The following SYS1 variants were observed in gnomAD, a reference collection of about 807,000 sequenced individuals.
The protein encoded by SYS1 is SYS1 golgi trafficking protein.
A neutral mutation model predicts 17.8 loss-of-function variants in SYS1; 8 were observed. The observed-to-expected ratio is 0.45, with a 90% CI of 0.26 to 0.81. The LOEUF is 0.81. Ranked by LOEUF, SYS1 falls within the 40% of genes least tolerant of loss-of-function variation. SYS1 has a pLI of 0.16. For synonymous variants in SYS1, 95 were observed against 90.9 expected (o/e 1.05, Z -0.26); for missense variants, 161 against 203.9 (o/e 0.79, Z 1.28).
downstream of SYS1, chr20:45,373,380 A>G (rs759104173): frequency 1.1e-4 from 18 of 165,176 alleles, no homozygotes; most frequent in Non-Finnish European, 2.4e-4. Flanking sequence ...CACCAGCCAC[A>G]GTGCAATCAG....
intron 2 of SYS1, chr20:45,365,368 A>G (rs1988376424): frequency 3.4e-6 from 2 of 584,670 alleles, no homozygotes; most frequent in Non-Finnish European, 6.3e-6. Flanking sequence ...GGGCAACTTA[A>G]CTTGTCTGAG....
At chr20:45,371,335 C>T (rs7269377), downstream of SYS1, among the ~76,000 whole-genome samples, 1,312 of 152,278 alleles carry the variant, frequency 8.6e-3, 22 homozygotes, top group African/African-American at 0.03. Context: ...ATTAGGCTAC[C>T]GTCCCCCCTA....
intron 2 of SYS1, 57 bp downstream of exon 2, chr20:45,363,750 G>C (rs898293684): frequency 5.3e-6 from 8 of 1,518,196 alleles, no homozygotes; most frequent in Non-Finnish European, 7.1e-6. Flanking sequence ...AGGCTTTGTG[G>C]TCCATCACTA....
At position 45,366,975 on chromosome 20, in the gene SYS1, T is replaced by A. The variant is rs1988436635; in HGVS notation, c.331T>A (p.Ser111Thr). ...CCTCCTGGGCTGCTGGTTCTACAGC[T>A]CCCGTTTCCCCTCGGCGCTGACCTG... ...FHLLGCWFYSSRFPSALTWWL... is the reference protein window; with the variant it reads ...FHLLGCWFYSTRFPSALTWWL... Residue 111 changes from serine (S) to threonine (T), a missense_variant, in exon 4 of 4, where the codon TCC (serine) becomes ACC (threonine). By Grantham distance (58) the Ser-to-Thr change is moderately conservative. Coordinates refer to ENST00000243918, the MANE Select transcript of SYS1 (RefSeq NM_033542.4). 3.1e-6 allele frequency: 5 copies of A among 1,614,048 alleles called. No individual in the cohort carries two copies. Among genetic ancestry groups the A allele is most frequent in the Non-Finnish European group, 4.2e-6 (5 of 1,180,028 alleles).
rs1475333336 is a variant in SYS1 at position 45,374,803 on chromosome 20, C to T, written c.*509C>T. On this transcript the variant is annotated 3_prime_UTR_variant, in exon 4 of 4. Transcript: ENST00000426004. Reference sequence around the variant, plus strand: ...AGTGAGATGGCTCACTTCAGTGCCCCTCCTTCCACACATCTCCTAGCTGTA... The same window carrying T: ...AGTGAGATGGCTCACTTCAGTGCCCTTCCTTCCACACATCTCCTAGCTGTA... The T allele has an allele frequency of 5.3e-6, 3 of 564,510 alleles. No individual in the cohort carries two copies. In the East Asian group the frequency reaches 9.0e-5, roughly 17 times the overall value. The allele number at this position is 564,510 out of a possible 1,614,324, so 35.0% of individuals were successfully genotyped here.
intron 2 of SYS1, among the ~76,000 whole-genome samples, chr20:45,364,540 C>T (rs1385412508): frequency 1.5e-5 from 2 of 132,988 alleles, no homozygotes; most frequent in African/African-American, 2.9e-5. Context: ...GGCAGGATCT[C>T]GGCTCACTGC....
chr20:45,371,992 A>T (rs888402822), downstream of SYS1, among the ~76,000 whole-genome samples: 14 of 152,358 alleles, frequency 9.2e-5, 1 homozygote, highest in Admixed American at 3.3e-4. Flanking sequence ...GACTTCTAAA[A>T]AGTCACTCAA....
chr20:45,365,935 C>A, intron 3 of SYS1: 2 of 533,034 alleles, frequency 3.8e-6, no homozygotes, highest in South Asian at 2.0e-5. Flanking sequence ...GATAACTTCC[C>A]TGATGTGGAG....
At position 45,363,512 on chromosome 20, in the gene SYS1, G is replaced by C; in HGVS notation, c.-3-17G>C. The C allele has an allele frequency of 6.3e-7, 1 of 1,580,844 alleles. No homozygotes were observed. The highest frequency in any genetic ancestry group is 8.6e-7 in the Non-Finnish European group (1 of 1,165,572). ...GGAGACAGGCCGCTGGCTGAGGCCC[G>C]GCTCGTGTCCCTGCAGGGCATGGCG... On this transcript the variant is annotated splice_polypyrimidine_tract_variant and intron_variant, in intron 1 of 3. Coordinates refer to ENST00000243918, the MANE Select transcript of SYS1 (RefSeq NM_033542.4).
downstream of SYS1, chr20:45,372,867 G>T (rs1195807355): frequency 2.0e-5 from 3 of 151,362 alleles, no homozygotes; most frequent in Non-Finnish European, 4.4e-5. Flanking sequence ...GCTGGTCCGC[G>T]CGGCAGCTGA....
chr20:45,371,061 T>C (rs143781034), downstream of SYS1, among the ~76,000 whole-genome samples: 122 of 152,290 alleles, frequency 8.0e-4, no homozygotes, highest in Non-Finnish European at 1.6e-3. Flanking sequence ...GTCCCATTAC[T>C]AGCTGTGAGA....
In SYS1 at chr20:45,368,366, C is replaced by T. The variant is rs901119666; in HGVS notation, c.*1251C>T. 1.4e-5 allele frequency: 14 copies of T among 985,320 alleles called. No homozygotes were observed. Among genetic ancestry groups the T allele is most frequent in the Non-Finnish European group, 1.7e-5 (14 of 829,950 alleles). 61.0% of individuals were successfully genotyped at this position (985,320 alleles called of 1,614,324 possible). On this transcript the variant is annotated 3_prime_UTR_variant, in exon 4 of 4. Transcript: ENST00000243918. The stretch of plus-strand genomic sequence containing the variant: ...TTCCGTTCCTACTTGCTAGTGATTT[C>T]TGAACATGTTCAATGGAGCGGCACA...
chr20:45,368,461 GAGCTGTCAGTTTTC>G lies in SYS1; in HGVS notation c.*1357_*1370del, dbSNP rs1225391232. The G allele has an allele frequency of 1.0e-6, 1 of 985,304 alleles. No homozygotes were observed. Among genetic ancestry groups the G allele is most frequent in the Non-Finnish European group, 1.2e-6 (1 of 829,944 alleles). 61.0% of individuals were successfully genotyped at this position (985,304 alleles called of 1,614,324 possible). ...TGGTTTCTTCAGAGCTTTCCCAAGA[GAGCTGTCAGTTTTC>G]AGCTGTCAGTAACACAAATGAGTTT... On this transcript the variant is annotated 3_prime_UTR_variant, in exon 4 of 4. Coordinates refer to ENST00000243918, the MANE Select transcript of SYS1 (RefSeq NM_033542.4).
chr20:45,375,859 C>A (rs1988715663), exon 4 of SYS1: 1 of 360,866 alleles, frequency 2.8e-6, no homozygotes, highest in South Asian at 3.5e-5. Context: ...GGAGGGTGAA[C>A]AGTCCAGTAG....
chr20:45,374,649 G>A, exon 4 of SYS1: 1 of 429,296 alleles, frequency 2.3e-6, no homozygotes, highest in Non-Finnish European at 4.1e-6. Flanking sequence ...GAGGGAATGG[G>A]ATGCAGCAAA....
At chr20:45,371,337 TC>T (rs1988557575), downstream of SYS1, among the ~76,000 whole-genome samples, 1 of 152,098 alleles carries the variant, frequency 6.6e-6, no homozygotes, top group African/African-American at 2.4e-5. Flanking sequence ...TAGGCTACCG[TC>T]CCCCCTATCC....
chr20:45,367,751 G>A lies in SYS1; in HGVS notation c.*636G>A. The stretch of plus-strand genomic sequence containing the variant: ...CCCAAGAACCTATGACTTTCTTCCA[G>A]TTCCTTCTACCAGGTCCCCATCCTG... On this transcript the variant is annotated 3_prime_UTR_variant, in exon 4 of 4. Transcript: ENST00000243918. 1.0e-6 allele frequency: 1 copy of A among 986,294 alleles called. No individual in the cohort carries two copies. Among genetic ancestry groups the A allele is most frequent in the Non-Finnish European group, 1.2e-6 (1 of 830,346 alleles). The allele number at this position is 986,294 out of a possible 1,614,324, so 61.1% of individuals were successfully genotyped here. A position where few individuals can be genotyped will look rare whatever the true frequency, so the allele number is the denominator to read the frequency against.
chr20:45,368,326 A>C lies in SYS1; in HGVS notation c.*1211A>C. The C allele has an allele frequency of 5.1e-6, 5 of 985,398 alleles. No individual in the cohort carries two copies. Among genetic ancestry groups the C allele is most frequent in the Non-Finnish European group, 6.0e-6 (5 of 829,930 alleles). 61.0% of individuals were successfully genotyped at this position (985,398 alleles called of 1,614,324 possible). ...TCCCCTGCTATGCCTCAGGTGAACC[A>C]CATAATTCTTGGGTTTCCGTTCCTA... is the stretch of plus-strand genomic sequence containing the variant. On this transcript the variant is annotated 3_prime_UTR_variant, in exon 4 of 4. Transcript: ENST00000243918.
chr20:45,371,148 C>T (rs1988552384), downstream of SYS1, among the ~76,000 whole-genome samples: 1 of 152,020 alleles, frequency 6.6e-6, no homozygotes, highest in South Asian at 2.1e-4. Flanking sequence ...TACTTATTTC[C>T]CTGGGTTTTG....
Sources: allele counts gnomAD v4.1 joint callset (sites outside exome capture counted in the v4.1 genomes callset), GRCh38; gene constraint gnomAD v4.1.1; transcripts MANE v1.5; gene names NCBI Gene and HGNC (gene_info 2026-07-23, HGNC 2026-07-21).